The following NEBL variants were observed in gnomAD, a reference collection of about 807,000 sequenced individuals.
The protein encoded by NEBL is LIM and SH3 protein 2.
In NEBL, 122 loss-of-function variants were observed where a neutral mutation model predicts 140.2. The ratio of observed to expected loss-of-function variants is 0.87; its 90% confidence interval spans 0.75 to 1.01. The LOEUF is 1.01. Among genes scored for constraint, NEBL ranks in the 50% least tolerant of loss-of-function variants. The pLI is 0.00. For missense variants in NEBL, 1,365 were observed against 1,231.3 expected (o/e 1.11, Z -1.62); for synonymous variants, 436 against 398.9 (o/e 1.09, Z -1.11).
chr10:20,868,856 C>T (rs1844617331), intron 6 of NEBL, 91 bp from the exon 7 acceptor site: 2 of 832,018 alleles, frequency 2.4e-6, no homozygotes, highest in Non-Finnish European at 4.1e-6. Context: ...AAATAACAGA[C>T]CTTCATCTCA....
chr10:21,062,927 C>T (rs535634565), intron 2 of NEBL, among the ~76,000 whole-genome samples: 11 of 152,054 alleles, frequency 7.2e-5, no homozygotes, highest in East Asian at 3.9e-4. Flanking sequence ...GAGAAGGACA[C>T]GAGCGGCCAA....
intron 4 of NEBL, among the ~76,000 whole-genome samples, chr10:20,939,079 T>C (rs1834682966): frequency 2.0e-5 from 3 of 151,912 alleles, no homozygotes; most frequent in South Asian, 2.1e-4. Flanking sequence ...ATTCAGGAAA[T>C]ACAGAGAACA....
At chr10:20,801,064 A>G (rs969021127) in intron 26 of NEBL, among the ~76,000 whole-genome samples, 3 of 152,160 alleles carry the variant, frequency 2.0e-5, no homozygotes, top group African/African-American at 2.4e-5. Context: ...TCATCTAGAC[A>G]CACAGCCTCA....
intron 1 of NEBL, among the ~76,000 whole-genome samples, chr10:21,266,053 C>G (rs1842793425): frequency 6.6e-6 from 1 of 152,150 alleles, no homozygotes; most frequent in African/African-American, 2.4e-5. Flanking sequence ...CCCTGCAGAC[C>G]AGTGGAAAAG....
intron 2 of NEBL, among the ~76,000 whole-genome samples, chr10:21,164,363 C>T (rs779752865): frequency 5.6e-4 from 85 of 152,280 alleles, no homozygotes; most frequent in Non-Finnish European, 1.9e-4. Flanking sequence ...CTCTCTTACT[C>T]CCTGATGTCC....
At position 20,860,103 on chromosome 10, in the gene NEBL, T is replaced by A. The variant is rs375314274; in HGVS notation, c.685-277A>T. Among the ~76,000 whole-genome samples the A allele has an allele frequency of 4.1e-4, 63 of 152,262 alleles. No individual in the cohort carries two copies. The South Asian group carries it at 0.013, about 32-fold the overall frequency. On this transcript the variant is annotated intron_variant, in intron 7 of 27. Coordinates refer to ENST00000377122, the MANE Select transcript of NEBL (RefSeq NM_006393.3). ...AATACCAACATTTTTAAATGTCAGT[T>A]TTCATTTCTGCATTTCTATAATCTA...
chr10:20,785,956 G>A (rs1428864212), intron 27 of NEBL, 33 bp from the exon 28 acceptor site: 1 of 1,595,616 alleles, frequency 6.3e-7, no homozygotes, highest in Non-Finnish European at 8.6e-7. Context: ...TACGATGAAT[G>A]CCGAAATAGC....
intron 2 of NEBL, among the ~76,000 whole-genome samples, chr10:21,169,067 A>AAATAT (rs1554830679): frequency 6.5e-4 from 15 of 23,074 alleles, no homozygotes; most frequent in Admixed American, 1.5e-3. Flanking sequence ...AAAAAAAAAA[A>AAATAT]ATATATATAT....
rs1835835748 is a variant in NEBL, at chr10:21,071,947, T to C, written c.165-51746A>G. On this transcript the variant is annotated intron_variant, in intron 2 of 6. Coordinates refer to the NEBL transcript ENST00000417816. ...AATTCTCATGCCTCAGTCTACTGAA[T>C]AGTTGGGACTACAGGTGCCTGCCAC... Among the ~76,000 whole-genome samples, 3 of 152,144 alleles carry C rather than the reference T, an allele frequency of 2.0e-5. No individual in the cohort carries two copies. The South Asian group carries it at 6.2e-4, about 32-fold the overall frequency.
Position 20,897,307 on chromosome 10 carries a change from G to A in NEBL, c.-102C>T. On this transcript the variant is annotated 5_prime_UTR_variant, in exon 1 of 28. Coordinates refer to ENST00000377122, the MANE Select transcript of NEBL (RefSeq NM_006393.3). ...TGCTGACGTCTCTGGTGCTCTGGCA[G>A]AAATGCCCTTGCCCAAGCCTCAGCC... The A allele has an allele frequency of 1.3e-6, 2 of 1,506,798 alleles. No individual in the cohort carries two copies. The highest frequency in any genetic ancestry group is 1.8e-6 in the Non-Finnish European group (2 of 1,138,030). The allele number at this position is 1,506,798 out of a possible 1,614,324, so 93.3% of individuals were successfully genotyped here. A position where few individuals can be genotyped will look rare whatever the true frequency, so the allele number is the denominator to read the frequency against.
chr10:21,015,270 G>A (rs1164229475), intron 3 of NEBL, among the ~76,000 whole-genome samples: 9 of 152,122 alleles, frequency 5.9e-5, no homozygotes, highest in Admixed American at 2.6e-4. Context: ...GCTTGCCCCC[G>A]CTCCCCTGCT....
chr10:21,162,989 G>A (rs981928638), intron 2 of NEBL, among the ~76,000 whole-genome samples: 3 of 152,186 alleles, frequency 2.0e-5, no homozygotes, highest in Non-Finnish European at 2.9e-5. Context: ...ACTCTGCTAA[G>A]CTCATTATTA....
chr10:20,964,642 A>T (rs1163278288), intron 3 of NEBL, among the ~76,000 whole-genome samples: 1 of 152,174 alleles, frequency 6.6e-6, no homozygotes, highest in Non-Finnish European at 1.5e-5. Flanking sequence ...TCAGGATCAC[A>T]TTTCAACATG....
intron 3 of NEBL, among the ~76,000 whole-genome samples, chr10:21,239,328 A>G (rs12244302): frequency 6.6e-6 from 1 of 152,144 alleles, no homozygotes; most frequent in Non-Finnish European, 1.5e-5. Flanking sequence ...CATTAAACAT[A>G]AAAATGCCAA....
At chr10:21,029,461 A>C in intron 2 of NEBL, 1 of 1,611,648 alleles carries the variant, frequency 6.2e-7, no homozygotes, top group Non-Finnish European at 8.5e-7. Flanking sequence ...CAGTGCCCTG[A>C]GTCTCAATTA....
intron 4 of NEBL, among the ~76,000 whole-genome samples, chr10:20,915,399 TC>T (rs1253084739): frequency 7.8e-6 from 1 of 128,072 alleles, no homozygotes. Flanking sequence ...ATGCTATCCC[TC>T]CCCCCTCCCC....
chr10:21,036,891 T>C (rs1287422253), intron 2 of NEBL, among the ~76,000 whole-genome samples: 1 of 152,122 alleles, frequency 6.6e-6, no homozygotes. Flanking sequence ...TACTCAAGCG[T>C]AGAATATTCT....
intron 2 of NEBL, among the ~76,000 whole-genome samples, chr10:21,129,405 C>T (rs1228895949): frequency 6.6e-6 from 1 of 151,814 alleles, no homozygotes; most frequent in Non-Finnish European, 1.5e-5. Context: ...TGCCACTATG[C>T]CTGGCTTCTT....
chr10:20,990,402 G>C (rs1837413871), intron 3 of NEBL, among the ~76,000 whole-genome samples: 1 of 152,138 alleles, frequency 6.6e-6, no homozygotes, highest in Non-Finnish European at 1.5e-5. Flanking sequence ...CAGGGACCTC[G>C]TGATTGGGAT....
Sources: allele counts gnomAD v4.1 joint callset (sites outside exome capture counted in the v4.1 genomes callset), GRCh38; gene constraint gnomAD v4.1.1; transcripts MANE v1.5; gene names NCBI Gene and HGNC (gene_info 2026-07-23, HGNC 2026-07-21).